COL21A1: variants seen among roughly 807,000 people sequenced by gnomAD.
The protein encoded by COL21A1 is collagen alpha-1(XXI) chain.
In COL21A1, 149 loss-of-function variants were observed where a neutral mutation model predicts 137.9. The ratio of observed to expected loss-of-function variants is 1.08; its 90% CI spans 0.95 to 1.24. The LOEUF is 1.24. Ranked by LOEUF, COL21A1 falls within the 50% of genes most tolerant of loss-of-function variation. The pLI is 0.00. For missense variants in COL21A1, 1,167 were observed against 1,158.4 expected, an observed-to-expected ratio of 1.01 and a Z score of -0.11; for synonymous variants, 456 against 391.5, an observed-to-expected ratio of 1.16 and a Z score of -1.95.
chr6:56,345,516 C>T (rs1765576517), intron 1 of COL21A1, among the ~76,000 whole-genome samples: 1 of 152,152 alleles, frequency 6.6e-6, no homozygotes, highest in African/African-American at 2.4e-5. Flanking sequence ...AAGTCAGTGG[C>T]TGAACTCAGA....
intron 17 of COL21A1, among the ~76,000 whole-genome samples, chr6:56,093,033 C>G (rs1450312796): frequency 1.3e-5 from 2 of 152,112 alleles, no homozygotes; most frequent in African/African-American, 4.8e-5. Flanking sequence ...GTGAAATTTT[C>G]CTCTGCCTCT....
chr6:56,370,690 A>G (rs538053297), intron 1 of COL21A1, among the ~76,000 whole-genome samples: 7 of 152,356 alleles, frequency 4.6e-5, no homozygotes, highest in Non-Finnish European at 1.0e-4. Context: ...CAGTTGTAGC[A>G]TAATATTCTG....
intron 12 of COL21A1, chr6:56,126,642 G>A (rs1475771114): frequency 6.6e-6 from 1 of 152,290 alleles, no homozygotes; most frequent in Non-Finnish European, 1.5e-5. Context: ...CTATGAACAT[G>A]AAGGCCATAA....
intron 3 of COL21A1, among the ~76,000 whole-genome samples, chr6:56,177,564 C>G (rs906143369): frequency 6.6e-6 from 1 of 151,994 alleles, no homozygotes; most frequent in Non-Finnish European, 1.5e-5. Context: ...GAGGCTGAGG[C>G]GGGCGGATCA....
chr6:56,311,692 A>ACTT (rs1764618891), intron 1 of COL21A1, among the ~76,000 whole-genome samples: 1 of 152,220 alleles, frequency 6.6e-6, no homozygotes, highest in South Asian at 2.1e-4. Flanking sequence ...GAAGGCTTTA[A>ACTT]CTTTAAATAC....
chr6:56,224,985 T>C (rs1781095216), intron 1 of COL21A1, among the ~76,000 whole-genome samples: 1 of 151,812 alleles, frequency 6.6e-6, no homozygotes, highest in Non-Finnish European at 1.5e-5. Context: ...AATTGTAACA[T>C]AAAACTAAAA....
chr6:56,145,309 C>T (rs1774750230), intron 10 of COL21A1, among the ~76,000 whole-genome samples: 2 of 152,098 alleles, frequency 1.3e-5, no homozygotes, highest in Admixed American at 6.6e-5. Context: ...TTTAAGGTTA[C>T]AATTAGATGC....
At chr6:56,362,608 T>C (rs1316618651) in intron 1 of COL21A1, among the ~76,000 whole-genome samples, 1 of 152,136 alleles carries the variant, frequency 6.6e-6, no homozygotes, top group Non-Finnish European at 1.5e-5. Context: ...GGCCTTTCCT[T>C]CAAAGATATG....
chr6:56,164,951 ATAT>A, intron 7 of COL21A1, 129 bp from the exon 8 acceptor site: 1 of 662,406 alleles, frequency 1.5e-6, no homozygotes, highest in Non-Finnish European at 2.5e-6. Flanking sequence ...AAAAACCAAA[ATAT>A]TTCCCTGCAT....
At position 56,371,301 on chromosome 6, in the gene COL21A1, A is replaced by C. The variant is rs185901058; in HGVS notation, c.-39+22670T>G. 7.2e-5 allele frequency among the ~76,000 whole-genome samples: 11 copies of C among 152,360 alleles called. No individual in the cohort carries two copies. The East Asian group carries it at 2.1e-3, about 29-fold the overall frequency. On this transcript the variant is annotated intron_variant, in intron 1 of 28. Transcript: ENST00000370819. Reference sequence around the variant, plus strand: ...GAGGATTTAGGGACTACATTTGTACACTGGGATAGGGTAAGATAAGAGACA... The same window carrying C: ...GAGGATTTAGGGACTACATTTGTACCCTGGGATAGGGTAAGATAAGAGACA...
rs1289890872 is a variant in COL21A1, at chr6:56,288,288, A to G, written c.-38-105632T>C. Among the ~76,000 whole-genome samples, 4 of 151,970 alleles carry G rather than the reference A, an allele frequency of 2.6e-5. No individual in the cohort carries two copies. In the East Asian group the frequency reaches 7.7e-4, roughly 29 times the overall value. ...AAGGAAATGCTGGCTATTTGACTGC[A>G]TGACCCACTAAAGGGTTTCACAGCA... On this transcript the variant is annotated intron_variant, in intron 1 of 28. Coordinates refer to the COL21A1 transcript ENST00000370819.
At chr6:56,274,116 C>T (rs1763587809) in intron 1 of COL21A1, among the ~76,000 whole-genome samples, 1 of 152,080 alleles carries the variant, frequency 6.6e-6, no homozygotes, top group South Asian at 2.1e-4. Context: ...AAACAAAAAC[C>T]TTATGATCAT....
chr6:56,335,203 C>T (rs1332551239), intron 1 of COL21A1, among the ~76,000 whole-genome samples: 2 of 152,060 alleles, frequency 1.3e-5, no homozygotes, highest in East Asian at 1.9e-4. Context: ...GTCAGAACTT[C>T]CTCTCTCTAT....
At chr6:56,150,514 TCACACACACACACACACACA>T (rs747022399) in intron 10 of COL21A1, among the ~76,000 whole-genome samples, 17 of 46,198 alleles carry the variant, frequency 3.7e-4, no homozygotes, top group Admixed American at 6.3e-4. Flanking sequence ...CGAGACTCCA[TCACACACACACACACACACA>T]CACACACACA....
intron 6 of COL21A1, 122 bp from the exon 7 acceptor site, chr6:56,167,105 T>C (rs1207225571): frequency 2.0e-5 from 14 of 695,354 alleles, no homozygotes; most frequent in Non-Finnish European, 7.5e-6. Context: ...CATCACAGCA[T>C]TTAGCTAAAA....
chr6:56,190,191 G>A (rs937946204), intron 1 of COL21A1, among the ~76,000 whole-genome samples: 5 of 152,102 alleles, frequency 3.3e-5, no homozygotes, highest in African/African-American at 1.2e-4. Context: ...TAGACAGACT[G>A]CTAGCAAGAC....
chr6:56,068,226 G>T (rs1217777179), intron 22 of COL21A1, among the ~76,000 whole-genome samples: 7 of 151,586 alleles, frequency 4.6e-5, no homozygotes, highest in Non-Finnish European at 8.9e-5. Flanking sequence ...TAGGCACCAT[G>T]TAGACAACAC....
chr6:56,195,350 T>C (rs1283203726), intron 1 of COL21A1, among the ~76,000 whole-genome samples: 6 of 152,052 alleles, frequency 3.9e-5, no homozygotes, highest in Non-Finnish European at 8.8e-5. Context: ...AAAGTAAAAA[T>C]AGTGTTGAAA....
intron 1 of COL21A1, among the ~76,000 whole-genome samples, chr6:56,234,332 T>C (rs1453901362): frequency 6.6e-6 from 1 of 151,654 alleles, no homozygotes; most frequent in African/African-American, 2.4e-5. Flanking sequence ...AAAATAAATA[T>C]AGTATGAAAA....
Sources: gnomAD v4.1 joint callset for allele counts (sites outside exome capture counted in the v4.1 genomes callset) on GRCh38, gnomAD v4.1.1 for gene constraint, MANE v1.5 for transcripts, NCBI Gene and HGNC (gene_info 2026-07-23, HGNC 2026-07-21) for gene names.